The following MAGI2 variants were observed in gnomAD, a reference collection of about 807,000 sequenced individuals.
MAGI2 encodes the protein membrane-associated guanylate kinase, WW and PDZ domain-containing protein 2.
Under a neutral mutation model 133.3 loss-of-function variants are expected in MAGI2, and 35 were observed. The ratio of observed to expected loss-of-function variants is 0.26; its 90% CI spans 0.20 to 0.35. The LOEUF is 0.35. Ranked by LOEUF, MAGI2 falls within the 10% of genes least tolerant of loss-of-function variation. The probability of loss-of-function intolerance (pLI) is 1.00; values close to 1 mark genes in which losing one functional copy is unlikely to be tolerated. For missense variants in MAGI2, 1,636 were observed against 1,863.4 expected, an observed-to-expected ratio of 0.88 and a Z score of 2.25; for synonymous variants, 729 against 710.6, an observed-to-expected ratio of 1.03 and a Z score of -0.41.
rs142939038 is a variant in MAGI2, at chr7:78,769,853, C to T, written c.419-142614G>A. On this transcript the variant is annotated intron_variant, in intron 2 of 21. Coordinates refer to ENST00000354212, the MANE Select transcript of MAGI2 (RefSeq NM_012301.4). ...ATAGTCTGTGGCAACTGCATGGCAC[C>T]GAACTGCATCCTATTCAGAACTAAA... is the stretch of plus-strand genomic sequence containing the variant. Among the ~76,000 whole-genome samples the T allele has an allele frequency of 4.8e-4, 73 of 152,232 alleles. 1 individual carries two copies. The East Asian group carries it at 0.013, about 27-fold the overall frequency.
chr7:78,997,920 C>A (rs917902058), intron 2 of MAGI2, among the ~76,000 whole-genome samples: 1 of 152,126 alleles, frequency 6.6e-6, no homozygotes, highest in South Asian at 2.1e-4. Context: ...TATAACAATA[C>A]ACCTCATGCT....
At chr7:78,338,863 G>A (rs538416431) in intron 9 of MAGI2, among the ~76,000 whole-genome samples, 5 of 152,178 alleles carry the variant, frequency 3.3e-5, no homozygotes, top group East Asian at 3.9e-4. Flanking sequence ...TTGCTTAGCC[G>A]GGTGTGATGG....
intron 3 of MAGI2, among the ~76,000 whole-genome samples, chr7:78,552,932 C>A (rs773195450): frequency 2.0e-5 from 3 of 151,930 alleles, no homozygotes; most frequent in East Asian, 1.9e-4. Flanking sequence ...AATTGCCCCC[C>A]CAAGGTCAGT....
intron 3 of MAGI2, among the ~76,000 whole-genome samples, chr7:78,595,304 G>A (rs1020915666): frequency 2.0e-5 from 3 of 152,118 alleles, no homozygotes; most frequent in South Asian, 2.1e-4. Flanking sequence ...CTATGGAAAG[G>A]CAAATATTTA....
intron 2 of MAGI2, among the ~76,000 whole-genome samples, chr7:78,741,925 A>G (rs991837029): frequency 1.3e-5 from 2 of 152,016 alleles, no homozygotes; most frequent in East Asian, 3.9e-4. Flanking sequence ...GCCTTAAATT[A>G]TAAGTTATCA....
intron 1 of MAGI2, among the ~76,000 whole-genome samples, chr7:79,169,087 T>C (rs1825267382): frequency 6.6e-6 from 1 of 151,966 alleles, no homozygotes; most frequent in South Asian, 2.1e-4. Context: ...AAAAGCTTTC[T>C]ACCCTTGGCA....
chr7:78,371,669 C>A (rs183667623), intron 6 of MAGI2, among the ~76,000 whole-genome samples: 138 of 151,978 alleles, frequency 9.1e-4, no homozygotes, highest in Non-Finnish European at 1.2e-3. Flanking sequence ...TTCTTGGGTA[C>A]AATTTATTAT....
chr7:78,365,494 G>C (rs1793285194), intron 7 of MAGI2, among the ~76,000 whole-genome samples: 1 of 152,140 alleles, frequency 6.6e-6, no homozygotes, highest in Non-Finnish European at 1.5e-5. Flanking sequence ...TGTGGTTCTG[G>C]ATAAGTTACT....
intron 6 of MAGI2, among the ~76,000 whole-genome samples, chr7:78,464,456 TC>T (rs1021843252): frequency 6.6e-6 from 1 of 152,244 alleles, no homozygotes; most frequent in Middle Eastern, 3.4e-3. Context: ...ACTGCTCATA[TC>T]CCCCTATACC....
Position 78,258,837 on chromosome 7 carries a change from C to G in MAGI2, c.1409-2256G>C, listed in dbSNP as rs116954193. Among the ~76,000 whole-genome samples, 891 of 152,192 alleles carry G rather than the reference C, an allele frequency of 5.9e-3. 3 individuals are homozygous for G. The highest frequency in any genetic ancestry group is 0.011 in the Non-Finnish European group (730 of 68,020). On this transcript the variant is annotated intron_variant, in intron 9 of 21. Transcript: ENST00000354212. ...TACTACTTAATAACATTCATCCATT[C>G]TTTTGTTAATGGACACCGGAGTTAT... is the stretch of plus-strand genomic sequence containing the variant.
intron 1 of MAGI2, 182 bp downstream of exon 1, chr7:79,452,838 C>G: frequency 1.6e-6 from 1 of 632,652 alleles, no homozygotes; most frequent in Admixed American, 3.2e-5. Context: ...CCTGCCCCTC[C>G]CCTCCCTTTA....
At chr7:78,076,946 C>G (rs1037368004) in intron 21 of MAGI2, among the ~76,000 whole-genome samples, 2 of 137,142 alleles carry the variant, frequency 1.5e-5, no homozygotes, top group Non-Finnish European at 3.1e-5. Flanking sequence ...GTTTTTATTT[C>G]TTCTTCATGA....
At chr7:79,220,982 G>A (rs562380619) in intron 1 of MAGI2, among the ~76,000 whole-genome samples, 2 of 152,098 alleles carry the variant, frequency 1.3e-5, no homozygotes, top group African/African-American at 4.8e-5. Context: ...CCAGTAAACG[G>A]GGAGGTCTGA....
At chr7:78,890,181 C>A (rs1411049192) in intron 2 of MAGI2, among the ~76,000 whole-genome samples, 1 of 151,882 alleles carries the variant, frequency 6.6e-6, no homozygotes, top group Non-Finnish European at 1.5e-5. Context: ...AGCTAACTAT[C>A]CTAAATATAT....
chr7:78,127,360 G>A lies in MAGI2; in HGVS notation c.3260C>T (p.Pro1087Leu). The change falls in exon 19 of 22, where the codon CCA becomes CTA. Residue 1087 changes from proline to leucine, a missense_variant. Pro to Leu is a moderately conservative substitution (Grantham distance 98). Around this residue, in one of 5 missense-constraint regions of MAGI2, gnomAD observed 920 missense variants for 1,093.5 expected, o/e 0.84. Transcript: ENST00000354212. ...CGGGGGCTGCCTGTAGTCTGTGAAT[G>A]GAGGCTGTCGGATGTCTGGTTTCAC... ...QDVKPDIRQP[P>L]FTDYRQPPLD... The A allele has an allele frequency of 6.2e-7, 1 of 1,608,960 alleles. No individual in the cohort carries two copies. The highest frequency in any genetic ancestry group is 1.3e-5 in the African/African-American group (1 of 75,038).
intron 21 of MAGI2, among the ~76,000 whole-genome samples, chr7:78,028,377 G>A (rs1003685789): frequency 7.9e-5 from 12 of 152,104 alleles, no homozygotes; most frequent in Admixed American, 2.6e-4. Flanking sequence ...ATAATCAAAG[G>A]TGCAGCAATG....
At chr7:78,957,106 A>G (rs1284959980) in intron 2 of MAGI2, among the ~76,000 whole-genome samples, 1 of 151,930 alleles carries the variant, frequency 6.6e-6, no homozygotes, top group Non-Finnish European at 1.5e-5. Context: ...TCTACTAAAA[A>G]TACAAAAATT....
intron 2 of MAGI2, among the ~76,000 whole-genome samples, chr7:78,644,195 CAAAGAA>C (rs1420152129): frequency 2.0e-5 from 3 of 151,886 alleles, no homozygotes; most frequent in Non-Finnish European, 2.9e-5. Context: ...CATGGAGCTA[CAAAGAA>C]AAATTGATAA....
At chr7:78,107,095 C>A (rs1198563221) in intron 20 of MAGI2, among the ~76,000 whole-genome samples, 1 of 152,128 alleles carries the variant, frequency 6.6e-6, no homozygotes. Context: ...TTTCCCAGCA[C>A]CATTTTTGAA....
Sources: allele counts gnomAD v4.1 joint callset (sites outside exome capture counted in the v4.1 genomes callset), GRCh38; gene constraint gnomAD v4.1.1; regional missense constraint gnomAD v4.1.1; transcripts MANE v1.5; gene names NCBI Gene and HGNC (gene_info 2026-07-23, HGNC 2026-07-21).